The following MERTK variants were observed in gnomAD, a reference collection of about 807,000 sequenced individuals.
MERTK encodes MER proto-oncogene, tyrosine kinase.
A neutral mutation model predicts 99.3 loss-of-function variants in MERTK; 69 were observed. The observed-to-expected ratio is 0.70, with a 90% CI of 0.57 to 0.85. MERTK has a LOEUF of 0.85. MERTK is among the 40% of genes least tolerant of loss of function. MERTK has a pLI of 0.00. For missense variants in MERTK, 1,125 were observed against 1,249.4 expected, an observed-to-expected ratio of 0.90 and a Z score of 1.50; for synonymous variants, 426 against 467.6, an observed-to-expected ratio of 0.91 and a Z score of 1.15.
At chr2:111,916,757 T>TA (rs1684358663) in intron 1 of MERTK, among the ~76,000 whole-genome samples, 4 of 152,106 alleles carry the variant, frequency 2.6e-5, no homozygotes, top group African/African-American at 4.8e-5. Flanking sequence ...TTTATTTATT[T>TA]TTTTGGCACA....
chr2:111,964,351 A>G (rs1253709764), intron 4 of MERTK, among the ~76,000 whole-genome samples: 1 of 150,808 alleles, frequency 6.6e-6, no homozygotes, highest in Non-Finnish European at 1.5e-5. Context: ...TCTCTTTGAC[A>G]TGCCCCATCA....
chr2:111,913,371 C>T (rs1684287566), intron 1 of MERTK, among the ~76,000 whole-genome samples: 1 of 151,942 alleles, frequency 6.6e-6, no homozygotes, highest in Non-Finnish European at 1.5e-5. Flanking sequence ...AGATTTATAC[C>T]TAAGTATTTC....
intron 2 of MERTK, among the ~76,000 whole-genome samples, chr2:111,944,533 A>ATTCCTTAAAATAATTCCTC (rs1265922025): frequency 6.6e-6 from 1 of 151,258 alleles, no homozygotes; most frequent in Non-Finnish European, 1.5e-5. Flanking sequence ...TTAAGGAATT[A>ATTCCTTAAAATAATTCCTC]GCTCACACAC....
intron 6 of MERTK, among the ~76,000 whole-genome samples, chr2:111,972,094 A>T (rs928851848): frequency 5.9e-5 from 9 of 152,140 alleles, no homozygotes; most frequent in Non-Finnish European, 1.0e-4. Flanking sequence ...GCAATGGCAC[A>T]GTCTCAACTC....
intron 1 of MERTK, among the ~76,000 whole-genome samples, chr2:111,919,657 G>A (rs1358779149): frequency 2.0e-5 from 3 of 151,956 alleles, no homozygotes; most frequent in Non-Finnish European, 4.4e-5. Flanking sequence ...GAAAAAGTGG[G>A]GGACAGGCTG....
intron 18 of MERTK, chr2:112,022,652 G>A: frequency 1.4e-6 from 1 of 716,982 alleles, no homozygotes; most frequent in East Asian, 2.7e-5. Context: ...GCACGGTCAA[G>A]ACAAGGCAAT....
chr2:111,977,909 G>GT (rs1676287137), intron 7 of MERTK, among the ~76,000 whole-genome samples: 3 of 151,884 alleles, frequency 2.0e-5, no homozygotes. Context: ...ATGTCTCTAA[G>GT]TTTTGGACCA....
intron 13 of MERTK, among the ~76,000 whole-genome samples, chr2:112,007,218 G>T (rs530010565): frequency 6.6e-6 from 1 of 152,120 alleles, no homozygotes; most frequent in African/African-American, 2.4e-5. Context: ...GCGGTAGCAC[G>T]ATCTCAGCTC....
intron 18 of MERTK, among the ~76,000 whole-genome samples, chr2:112,023,183 C>T (rs375151231): frequency 3.3e-5 from 5 of 151,998 alleles, no homozygotes; most frequent in African/African-American, 7.3e-5. Flanking sequence ...GGGAGGCCGA[C>T]GCGGGTGGAT....
chr2:111,964,427 G>T (rs1272980515), intron 4 of MERTK, among the ~76,000 whole-genome samples: 2 of 151,934 alleles, frequency 1.3e-5, no homozygotes, highest in African/African-American at 4.8e-5. Context: ...GTGTGTGTGT[G>T]TACGTTGTGT....
Position 111,962,753 on chromosome 2 carries a change from C to T in MERTK, c.758-2438C>T, listed in dbSNP as rs533908645. On this transcript the variant is annotated intron_variant, in intron 4 of 18. Coordinates refer to ENST00000295408, the MANE Select transcript of MERTK (RefSeq NM_006343.3). Reference sequence around the variant, plus strand: ...CTGTCCCAGGATCTCATCCAGGACACCACATTGCATTTAGTCATCTATGTC... The same window carrying T: ...CTGTCCCAGGATCTCATCCAGGACATCACATTGCATTTAGTCATCTATGTC... Among the ~76,000 whole-genome samples the T allele has an allele frequency of 3.9e-5, 6 of 152,284 alleles. No homozygotes were observed. In the South Asian group the frequency reaches 1.2e-3, roughly 32 times the overall value.
At chr2:112,002,279 G>A (rs1221214185) in intron 11 of MERTK, among the ~76,000 whole-genome samples, 1 of 151,992 alleles carries the variant, frequency 6.6e-6, no homozygotes, top group African/African-American at 2.4e-5. Context: ...TTTAGCCCTT[G>A]CTATGCTGTT....
At chr2:111,949,974 G>C in intron 4 of MERTK, among the ~76,000 whole-genome samples, 1 of 152,094 alleles carries the variant, frequency 6.6e-6, no homozygotes, top group Non-Finnish European at 1.5e-5. Flanking sequence ...GTCTTGCTCT[G>C]TTGCCCAGGC....
At chr2:111,981,322 TCCC>T (rs953295922) in intron 7 of MERTK, among the ~76,000 whole-genome samples, 3 of 152,286 alleles carry the variant, frequency 2.0e-5, no homozygotes, top group Admixed American at 1.3e-4. Context: ...ATCTGATTTT[TCCC>T]CCATTGGATT....
chr2:111,938,542 G>A (rs1422137450), intron 2 of MERTK, among the ~76,000 whole-genome samples: 2 of 152,220 alleles, frequency 1.3e-5, no homozygotes, highest in South Asian at 2.1e-4. Flanking sequence ...GACATGCTGT[G>A]TGTGTATAAG....
chr2:111,910,565 C>T (rs1684225234), intron 1 of MERTK, among the ~76,000 whole-genome samples: 1 of 149,884 alleles, frequency 6.7e-6, no homozygotes, highest in Non-Finnish European at 1.5e-5. Flanking sequence ...CCACCTCACC[C>T]GGCTGACCCT....
chr2:111,939,295 TC>T (rs2104696852), intron 2 of MERTK, among the ~76,000 whole-genome samples: 1 of 152,106 alleles, frequency 6.6e-6, no homozygotes, highest in South Asian at 2.1e-4. Flanking sequence ...CCAGTTCCAC[TC>T]CCATTAATTC....
intron 1 of MERTK, among the ~76,000 whole-genome samples, chr2:111,925,051 G>C (rs1486449435): frequency 1.3e-5 from 2 of 151,568 alleles, no homozygotes; most frequent in Non-Finnish European, 2.9e-5. Flanking sequence ...GTCAGAGAAG[G>C]CCTCCCTGAT....
chr2:111,967,798 C>T (rs1685387620), intron 5 of MERTK, among the ~76,000 whole-genome samples: 1 of 152,178 alleles, frequency 6.6e-6, no homozygotes, highest in South Asian at 2.1e-4. Context: ...AGCTAGTGCC[C>T]AGCCAGGTGC....
Sources: allele counts gnomAD v4.1 joint callset (sites outside exome capture counted in the v4.1 genomes callset), GRCh38; gene constraint gnomAD v4.1.1; transcripts MANE v1.5; gene names NCBI Gene and HGNC (gene_info 2026-07-23, HGNC 2026-07-21).